Variants in NRXN3 observed in about 807,000 individuals in gnomAD.
NRXN3 encodes neurexin 3, also known as neurexin III.
In NRXN3, 32 loss-of-function variants were observed where a neutral mutation model predicts 137.6. The ratio of observed to expected loss-of-function variants is 0.23; its 90% CI spans 0.18 to 0.31. The LOEUF (loss-of-function observed/expected upper bound fraction) is 0.31. Ranked by LOEUF, NRXN3 falls within the 10% of genes least tolerant of loss-of-function variation. The probability of loss-of-function intolerance (pLI) is 1.00; values close to 1 mark genes in which losing one functional copy is unlikely to be tolerated. For missense variants in NRXN3, 1,574 were observed against 2,062.5 expected (o/e 0.76, Z 4.59); for synonymous variants, 798 against 784.5 (o/e 1.02, Z -0.29).
chr14:78,351,887 A>G (rs943800563), intron 4 of NRXN3, among the ~76,000 whole-genome samples: 1 of 151,564 alleles, frequency 6.6e-6, no homozygotes, highest in Non-Finnish European at 1.5e-5. Flanking sequence ...ATTAAAAAAA[A>G]TCTCCTCCTA....
At chr14:79,308,485 A>G (rs1035583252) in intron 15 of NRXN3, among the ~76,000 whole-genome samples, 1 of 152,154 alleles carries the variant, frequency 6.6e-6, no homozygotes, top group Non-Finnish European at 1.5e-5. Flanking sequence ...TTTAACTTGC[A>G]TATGGTATTC....
At chr14:78,224,382 G>T (rs778547921) in intron 1 of NRXN3, among the ~76,000 whole-genome samples, 3 of 151,880 alleles carry the variant, frequency 2.0e-5, no homozygotes, top group African/African-American at 7.3e-5. Flanking sequence ...CCATTAACGC[G>T]TCATTTAGCA....
rs566789161 is a variant in NRXN3, at chr14:79,235,849, C to G, written c.3263-231372C>G. The stretch of plus-strand genomic sequence containing the variant: ...GATTGTACTCATCATCACTAGATTT[C>G]TCTCATAAGTGCATTGGGTTAAAAA... On this transcript the variant is annotated intron_variant, in intron 15 of 20. Transcript: ENST00000335750. Among the ~76,000 whole-genome samples the G allele has an allele frequency of 7.9e-5, 12 of 152,166 alleles. No homozygotes were observed. In the South Asian group the frequency reaches 2.3e-3, roughly 29 times the overall value.
intron 4 of NRXN3, among the ~76,000 whole-genome samples, chr14:78,466,910 A>G (rs2095122786): frequency 6.6e-6 from 1 of 152,214 alleles, no homozygotes; most frequent in Non-Finnish European, 1.5e-5. Context: ...ATACCTGGTG[A>G]TGAAATAATC....
chr14:79,265,255 T>TA (rs1296942693), intron 15 of NRXN3, among the ~76,000 whole-genome samples: 5 of 145,910 alleles, frequency 3.4e-5, no homozygotes, highest in African/African-American at 1.0e-4. Context: ...TTTTTTTTTT[T>TA]AAATTTTCCT....
At chr14:79,387,843 C>G (rs1440433259) in intron 15 of NRXN3, among the ~76,000 whole-genome samples, 1 of 151,352 alleles carries the variant, frequency 6.6e-6, no homozygotes, top group Non-Finnish European at 1.5e-5. Flanking sequence ...TCTCAGCAAA[C>G]TCTCACAAAG....
chr14:79,727,752 C>A (rs950046782), intron 19 of NRXN3, among the ~76,000 whole-genome samples: 2 of 152,024 alleles, frequency 1.3e-5, no homozygotes, highest in Non-Finnish European at 2.9e-5. Flanking sequence ...TAAACGAACC[C>A]CCATTGTGCA....
At chr14:79,782,146 G>T (rs1313450573) in intron 19 of NRXN3, among the ~76,000 whole-genome samples, 2 of 152,132 alleles carry the variant, frequency 1.3e-5, no homozygotes, top group Non-Finnish European at 2.9e-5. Context: ...TTCCTAGAAG[G>T]ATGCATTTTA....
intron 15 of NRXN3, among the ~76,000 whole-genome samples, chr14:79,181,229 A>T (rs962583760): frequency 2.6e-5 from 4 of 152,088 alleles, no homozygotes; most frequent in Non-Finnish European, 5.9e-5. Context: ...AAGTCAGATG[A>T]TTTCCCTTTT....
At chr14:78,283,666 G>A (rs1451050196) in intron 3 of NRXN3, among the ~76,000 whole-genome samples, 1 of 151,946 alleles carries the variant, frequency 6.6e-6, no homozygotes, top group African/African-American at 2.4e-5. Context: ...GTGCCACCAC[G>A]CCCAGCAAAT....
chr14:78,853,328 T>C lies in NRXN3; in HGVS notation c.2275+42984T>C, dbSNP rs2099048194. ...TGAGAACATGCGGTGTTTGGTTTTT[T>C]GTCCTTGTGATAGTTTACTGAGAAT... On this transcript the variant is annotated intron_variant, in intron 10 of 20. Coordinates refer to ENST00000335750, the MANE Select transcript of NRXN3 (RefSeq NM_001330195.2). Among the ~76,000 whole-genome samples, 4 of 152,176 alleles carry C rather than the reference T, an allele frequency of 2.6e-5. No individual in the cohort carries two copies. In the South Asian group the frequency reaches 8.3e-4, roughly 31 times the overall value.
At chr14:79,222,984 C>T (rs2070080274) in intron 15 of NRXN3, among the ~76,000 whole-genome samples, 1 of 152,034 alleles carries the variant, frequency 6.6e-6, no homozygotes, top group African/African-American at 2.4e-5. Context: ...ATTCTCTTGA[C>T]AGTTACATCA....
chr14:78,174,652 C>T (rs1455592482), intron 1 of NRXN3, among the ~76,000 whole-genome samples: 1 of 152,060 alleles, frequency 6.6e-6, no homozygotes, highest in African/African-American at 2.4e-5. Flanking sequence ...TGGATATGTG[C>T]GTATCCAGCC....
At chr14:78,988,275 A>G (rs1567911190) in intron 15 of NRXN3, 134 bp downstream of exon 15, 1 of 1,077,898 alleles carries the variant, frequency 9.3e-7, no homozygotes, top group Non-Finnish European at 1.4e-6. Context: ...AAACTTGGGA[A>G]ATAAATGACT....
chr14:79,145,929 T>C (rs1157937710), intron 15 of NRXN3, among the ~76,000 whole-genome samples: 1 of 152,170 alleles, frequency 6.6e-6, no homozygotes, highest in Non-Finnish European at 1.5e-5. Flanking sequence ...CCAAATATTG[T>C]AGATAAAGAA....
intron 17 of NRXN3, among the ~76,000 whole-genome samples, chr14:79,688,962 C>T (rs765396176): frequency 3.3e-5 from 5 of 152,076 alleles, no homozygotes; most frequent in East Asian, 3.9e-4. Flanking sequence ...ATATAGGTGT[C>T]GGATCCACAG....
intron 4 of NRXN3, among the ~76,000 whole-genome samples, chr14:78,466,156 G>A (rs2095100558): frequency 1.3e-5 from 2 of 152,098 alleles, no homozygotes; most frequent in South Asian, 4.1e-4. Context: ...CTTTCAATGA[G>A]GAAGTGTTAT....
intron 8 of NRXN3, among the ~76,000 whole-genome samples, chr14:78,760,144 T>C (rs2098687462): frequency 6.7e-6 from 1 of 149,996 alleles, no homozygotes; most frequent in South Asian, 2.2e-4. Context: ...TCCCAGGTTC[T>C]AGTGATTCTT....
intron 15 of NRXN3, among the ~76,000 whole-genome samples, chr14:79,448,069 G>T (rs2096094347): frequency 6.6e-6 from 1 of 152,196 alleles, no homozygotes; most frequent in African/African-American, 2.4e-5. Flanking sequence ...TATGTAATCT[G>T]CTCTGTCTTC....
Sources: gnomAD v4.1 joint callset for allele counts (sites outside exome capture counted in the v4.1 genomes callset) on GRCh38, gnomAD v4.1.1 for gene constraint, MANE v1.5 for transcripts, NCBI Gene and HGNC (gene_info 2026-07-23, HGNC 2026-07-21) for gene names.